PSMB3: variants seen among roughly 807,000 people sequenced by gnomAD.
PSMB3 encodes the protein proteasome subunit beta type-3.
A neutral mutation model predicts 23.3 loss-of-function variants in PSMB3; 5 were observed. The observed-to-expected ratio is 0.21, with a 90% CI of 0.11 to 0.45. PSMB3 has a LOEUF of 0.45. Among genes scored for constraint, PSMB3 ranks in the 20% least tolerant of loss-of-function variants. PSMB3 has a pLI of 0.99. For missense variants in PSMB3, 192 were observed against 277.9 expected, an observed-to-expected ratio of 0.69 and a Z score of 2.20; for synonymous variants, 85 against 99.8, an observed-to-expected ratio of 0.85 and a Z score of 0.88.
At chr17:38,758,819 G>A (rs1908317145) in intron 3 of PSMB3, among the ~76,000 whole-genome samples, 1 of 152,192 alleles carries the variant, frequency 6.6e-6, no homozygotes, top group South Asian at 2.1e-4. Context: ...GGCCGAGGTG[G>A]GTGGATCACA....
chr17:38,760,740 T>A (rs117481169), intron 4 of PSMB3, 132 bp downstream of exon 4: 1 of 1,072,566 alleles, frequency 9.3e-7, no homozygotes, highest in Non-Finnish European at 1.3e-6. Flanking sequence ...CTGCTGCTCC[T>A]TGGAAGGGTA....
intron 2 of PSMB3, among the ~76,000 whole-genome samples, chr17:38,754,910 T>C (rs535493786): frequency 6.6e-6 from 1 of 152,258 alleles, no homozygotes; most frequent in Admixed American, 6.5e-5. Flanking sequence ...AGCTGTGACC[T>C]TTTTTCCTTT....
intron 3 of PSMB3, among the ~76,000 whole-genome samples, chr17:38,757,501 G>C (rs147402343): frequency 0.019 from 2,850 of 151,514 alleles, 90 homozygotes; most frequent in African/African-American, 0.065. Flanking sequence ...CTTGGTGACA[G>C]AGTGAGACTT....
chr17:38,757,093 G>C (rs1366356325), intron 3 of PSMB3, among the ~76,000 whole-genome samples: 1 of 146,532 alleles, frequency 6.8e-6, no homozygotes, highest in Non-Finnish European at 1.5e-5. Context: ...CGCTGGTCGG[G>C]CTGGTCTTGA....
Position 38,754,232 on chromosome 17 carries a change from G to A in PSMB3, c.188+898G>A, listed in dbSNP as rs149593636. Among the ~76,000 whole-genome samples the A allele has an allele frequency of 8.1e-3, 1,241 of 152,300 alleles. 21 individuals carry two copies. Among genetic ancestry groups the A allele is most frequent in the African/African-American group, 0.029 (1,203 of 41,554 alleles). On this transcript the variant is annotated intron_variant, in intron 2 of 5. Coordinates refer to ENST00000619426, the MANE Select transcript of PSMB3 (RefSeq NM_002795.4). ...CACCTGTAATCCCAACACTTTGGGA[G>A]GCTGAGGTGGGCGGATATCTTGAGA...
chr17:38,763,513 T>TA (rs1182968922), intron 5 of PSMB3, among the ~76,000 whole-genome samples: 3 of 142,400 alleles, frequency 2.1e-5, no homozygotes, highest in African/African-American at 7.8e-5. Flanking sequence ...TTTTTTTTTT[T>TA]TTTTTTGAGA....
intron 5 of PSMB3, among the ~76,000 whole-genome samples, chr17:38,763,492 T>TC (rs1172013272): frequency 2.5e-4 from 34 of 135,826 alleles, no homozygotes; most frequent in Middle Eastern, 3.8e-3. Context: ...AGGAGCTTCT[T>TC]CCCCCTTTTT....
chr17:38,761,056 T>A (rs1341297727), intron 4 of PSMB3, among the ~76,000 whole-genome samples: 3 of 152,058 alleles, frequency 2.0e-5, no homozygotes, highest in Non-Finnish European at 4.4e-5. Flanking sequence ...GCCTTAGAAG[T>A]GGTGCTGAGG....
intron 4 of PSMB3, 65 bp downstream of exon 4, chr17:38,760,673 G>A: frequency 4.5e-6 from 7 of 1,569,542 alleles, no homozygotes; most frequent in Non-Finnish European, 6.1e-6. Context: ...TAGGAAAAAA[G>A]TGTGTTTATG....
At position 38,752,961 on chromosome 17, in the gene PSMB3, C is replaced by G. The variant is rs1013460762; in HGVS notation, c.3+132C>G. ...GTTTCAGTTCGAGGGGAGCGGGCCC[C>G]GGTGAGGACCAAGAGGGTGAGTGCG... On this transcript the variant is annotated intron_variant, in intron 1 of 5. Coordinates refer to ENST00000619426, the MANE Select transcript of PSMB3 (RefSeq NM_002795.4). The surrounding 1 kb of genome is among the most constrained non-coding windows in gnomAD (Gnocchi z 5.5). 5 of 1,387,922 alleles carry G rather than the reference C, an allele frequency of 3.6e-6. No individual in the cohort carries two copies. Among genetic ancestry groups the G allele is most frequent in the Non-Finnish European group, 5.0e-6 (5 of 1,006,056 alleles). The allele number at this position is 1,387,922 out of a possible 1,614,324, so 86.0% of individuals were successfully genotyped here.
Position 38,752,821 on chromosome 17 carries a change from G to T in PSMB3, c.-6G>T. ...GGCGATCGAGGGATCCTAGTACACCGCAATCATGGTGAGATGGGGAGTTAA... is the reference window on the plus strand; with the variant it reads ...GGCGATCGAGGGATCCTAGTACACCTCAATCATGGTGAGATGGGGAGTTAA... On this transcript the variant is annotated 5_prime_UTR_variant, in exon 1 of 6. Transcript: ENST00000619426. The surrounding 1 kb of genome is among the most constrained non-coding windows in gnomAD (Gnocchi z 5.5). 6.2e-7 allele frequency: 1 copy of T among 1,614,070 alleles called. No individual in the cohort carries two copies.
chr17:38,759,716 T>G (rs1302418870), intron 3 of PSMB3, among the ~76,000 whole-genome samples: 1 of 152,038 alleles, frequency 6.6e-6, no homozygotes, highest in Non-Finnish European at 1.5e-5. Context: ...AGCTAATTTT[T>G]TTTTGTATAT....
At chr17:38,756,112 A>G in intron 3 of PSMB3, 122 bp downstream of exon 3, 1 of 803,732 alleles carries the variant, frequency 1.2e-6, no homozygotes, top group Non-Finnish European at 2.0e-6. Flanking sequence ...TAATATCCTT[A>G]TTTTATGGGT....
In PSMB3 at chr17:38,753,140, T is replaced by C; in HGVS notation, c.4-10T>C. 1 of 1,611,064 alleles carries C rather than the reference T, an allele frequency of 6.2e-7. No individual in the cohort carries two copies. The highest frequency in any genetic ancestry group is 8.5e-7 in the Non-Finnish European group (1 of 1,178,348). On this transcript the variant is annotated splice_polypyrimidine_tract_variant and intron_variant, in intron 1 of 5. Transcript: ENST00000619426. ...CCCCCGCGCTGACCCCTCCGCTCTG[T>C]CTGTCCTAGTCTATTATGTCCTATA... is the stretch of plus-strand genomic sequence containing the variant.
chr17:38,756,356 T>TCATG (rs1908194171), intron 3 of PSMB3, among the ~76,000 whole-genome samples: 1 of 152,206 alleles, frequency 6.6e-6, no homozygotes, highest in Non-Finnish European at 1.5e-5. Flanking sequence ...TCGTCAGTTC[T>TCATG]CCTTGAGGGC....
At chr17:38,757,543 G>A (rs1221611474) in intron 3 of PSMB3, among the ~76,000 whole-genome samples, 9 of 151,940 alleles carry the variant, frequency 5.9e-5, no homozygotes, top group African/African-American at 1.9e-4. Flanking sequence ...TAGGTCGGGC[G>A]TGGTGGCTCA....
At chr17:38,760,355 C>T (rs2143242463) in intron 3 of PSMB3, 76 bp from the exon 4 acceptor site, 2 of 1,529,640 alleles carry the variant, frequency 1.3e-6, no homozygotes, top group Non-Finnish European at 1.8e-6. Flanking sequence ...AGGCCGGGGC[C>T]TTGTCTGAAT....
At position 38,764,117 on chromosome 17, in the gene PSMB3, A is replaced by G; in HGVS notation, c.570-2A>G. 1 of 1,614,196 alleles carries G rather than the reference A, an allele frequency of 6.2e-7. No homozygotes were observed. The highest frequency in any genetic ancestry group is 8.5e-7 in the Non-Finnish European group (1 of 1,180,020). ...TTTTCTTGTGATTTTCTCCCTCTGC[A>G]GCGAGAAGGACAAAATCACCACCAG... On this transcript the variant is annotated splice_acceptor_variant, in intron 5 of 5. Coordinates refer to ENST00000619426, the MANE Select transcript of PSMB3 (RefSeq NM_002795.4). LOFTEE classifies it high-confidence loss of function.
chr17:38,763,060 C>G (rs1411846160), intron 5 of PSMB3, among the ~76,000 whole-genome samples: 3 of 152,154 alleles, frequency 2.0e-5, no homozygotes, highest in Non-Finnish European at 4.4e-5. Context: ...GCTTAATTAC[C>G]GTGAAATAGT....
Sources: gnomAD v4.1 joint callset for allele counts (sites outside exome capture counted in the v4.1 genomes callset) on GRCh38, gnomAD v4.1.1 for gene constraint, Gnocchi (gnomAD v3.1) non-coding constraint, MANE v1.5 for transcripts, NCBI Gene and HGNC (gene_info 2026-07-23, HGNC 2026-07-21) for gene names.